Variants in EFR3A observed in about 807,000 individuals in gnomAD.
EFR3A encodes EFR3 homolog A.
In EFR3A, 76 loss-of-function variants were observed where a neutral mutation model predicts 104.4. That is an observed-to-expected ratio of 0.73 (90% CI 0.60 to 0.88). The LOEUF (loss-of-function observed/expected upper bound fraction) is 0.88. EFR3A is among the 40% of genes least tolerant of loss of function. EFR3A has a pLI of 0.00. For synonymous variants in EFR3A, 330 were observed against 330.0 expected (o/e 1.00, Z 0.00); for missense variants, 985 against 1,012.5 (o/e 0.97, Z 0.37).
chr8:131,930,241 T>G (rs1021823970), intron 1 of EFR3A, among the ~76,000 whole-genome samples: 9 of 152,116 alleles, frequency 5.9e-5, no homozygotes, highest in African/African-American at 2.2e-4. Flanking sequence ...GATATAGATT[T>G]GGTGCTTATG....
At chr8:131,918,717 C>T (rs879727109) in intron 1 of EFR3A, among the ~76,000 whole-genome samples, 6 of 152,140 alleles carry the variant, frequency 3.9e-5, no homozygotes, top group Non-Finnish European at 8.8e-5. Context: ...AGAATCAATG[C>T]TGTTGGTATA....
At chr8:132,005,382 C>G (rs1043722025) in intron 22 of EFR3A, among the ~76,000 whole-genome samples, 1 of 151,866 alleles carries the variant, frequency 6.6e-6, no homozygotes, top group African/African-American at 2.4e-5. Flanking sequence ...ATACTTCGCT[C>G]CCACTGTTCT....
intron 1 of EFR3A, among the ~76,000 whole-genome samples, chr8:131,937,000 A>G (rs1466466134): frequency 6.6e-6 from 1 of 152,062 alleles, no homozygotes; most frequent in East Asian, 1.9e-4. Flanking sequence ...TTGTGGCTGA[A>G]AGTCCCCATC....
intron 6 of EFR3A, among the ~76,000 whole-genome samples, chr8:131,955,141 G>T (rs1438857143): frequency 6.6e-6 from 1 of 152,006 alleles, no homozygotes; most frequent in Non-Finnish European, 1.5e-5. Flanking sequence ...TGAGGTCCAG[G>T]ATTAGCATAA....
intron 6 of EFR3A, among the ~76,000 whole-genome samples, chr8:131,955,470 TATAA>T (rs1361097848): frequency 1.3e-5 from 2 of 152,150 alleles, no homozygotes; most frequent in Admixed American, 6.6e-5. Flanking sequence ...AAGATTTTGC[TATAA>T]ATATAGAAAA....
chr8:131,913,464 GT>G (rs200287701), intron 1 of EFR3A, among the ~76,000 whole-genome samples: 113 of 147,152 alleles, frequency 7.7e-4, no homozygotes, highest in African/African-American at 2.5e-3. Flanking sequence ...CACTAGTCAG[GT>G]TTTTTTTTTT....
intron 1 of EFR3A, among the ~76,000 whole-genome samples, chr8:131,918,523 T>C (rs140234915): frequency 1.3e-5 from 2 of 152,334 alleles, no homozygotes; most frequent in African/African-American, 4.8e-5. Flanking sequence ...TCCTGTGTTA[T>C]ATGTTGCTAT....
chr8:131,947,829 G>C (rs921795148), intron 4 of EFR3A, among the ~76,000 whole-genome samples: 6 of 152,008 alleles, frequency 3.9e-5, no homozygotes, highest in Admixed American at 6.6e-5. Context: ...GGTCTTGGCA[G>C]TCTTTTAAAA....
intron 1 of EFR3A, among the ~76,000 whole-genome samples, chr8:131,937,096 T>A (rs1451322818): frequency 6.6e-6 from 1 of 152,122 alleles, no homozygotes; most frequent in Non-Finnish European, 1.5e-5. Context: ...CTTATTAGTA[T>A]ACACAATGAC....
chr8:131,999,070 C>T (rs1821650520), intron 19 of EFR3A, among the ~76,000 whole-genome samples: 1 of 151,946 alleles, frequency 6.6e-6, no homozygotes, highest in Admixed American at 6.6e-5. Flanking sequence ...TGAGTAAAAC[C>T]TGAAATCACC....
intron 13 of EFR3A, 136 bp from the exon 14 acceptor site, chr8:131,979,210 T>A: frequency 1.1e-6 from 1 of 933,986 alleles, no homozygotes; most frequent in Non-Finnish European, 1.6e-6. Context: ...ACGTATGTAC[T>A]CTTCAGAAGC....
chr8:131,974,254 CTA>C (rs754393898), intron 10 of EFR3A, among the ~76,000 whole-genome samples: 3 of 152,196 alleles, frequency 2.0e-5, no homozygotes, highest in East Asian at 3.9e-4. Flanking sequence ...TTAGAGGAAA[CTA>C]TTCCACGCAT....
rs777658917 is a variant in EFR3A, at chr8:131,970,647, A to G, written c.1159+4A>G. On this transcript the variant is annotated splice_donor_region_variant and intron_variant, in intron 10 of 22. Transcript: ENST00000254624. Reference sequence around the variant, plus strand: ...AATGCTATCATCCAAACAATAGGTGAGTACATTTCACTTTTCAAAACTATC... The same window carrying G: ...AATGCTATCATCCAAACAATAGGTGGGTACATTTCACTTTTCAAAACTATC... The G allele has an allele frequency of 6.2e-6, 10 of 1,609,136 alleles. No individual in the cohort carries two copies. The highest frequency in any genetic ancestry group is 8.5e-6 in the Non-Finnish European group (10 of 1,177,544).
intron 1 of EFR3A, among the ~76,000 whole-genome samples, chr8:131,915,719 A>T (rs1175338655): frequency 1.3e-5 from 2 of 152,218 alleles, no homozygotes; most frequent in Non-Finnish European, 2.9e-5. Context: ...TGGTCAAAGG[A>T]GAAATGCTGG....
chr8:131,962,971 T>G (rs1217193599), intron 8 of EFR3A, among the ~76,000 whole-genome samples: 2 of 151,410 alleles, frequency 1.3e-5, no homozygotes, highest in Non-Finnish European at 2.9e-5. Flanking sequence ...GAATGACTAC[T>G]GGGTATATAA....
intron 14 of EFR3A, among the ~76,000 whole-genome samples, chr8:131,983,721 AAG>A (rs891741429): frequency 6.6e-6 from 1 of 152,084 alleles, no homozygotes; most frequent in Non-Finnish European, 1.5e-5. Flanking sequence ...TTCCCCAGTC[AAG>A]AGAGCCTCAG....
At chr8:131,950,851 T>C (rs1665445871) in intron 5 of EFR3A, among the ~76,000 whole-genome samples, 1 of 152,164 alleles carries the variant, frequency 6.6e-6, no homozygotes, top group Admixed American at 6.6e-5. Context: ...GGATATATCC[T>C]ACTAAAAATC....
intron 7 of EFR3A, 135 bp from the exon 8 acceptor site, chr8:131,959,450 C>G (rs1037225474): frequency 4.5e-6 from 3 of 664,438 alleles, no homozygotes; most frequent in Non-Finnish European, 7.6e-6. Flanking sequence ...AAGTTCATTA[C>G]TTAAGAATTA....
At chr8:131,966,244 A>C (rs1192027430) in intron 8 of EFR3A, among the ~76,000 whole-genome samples, 6 of 152,140 alleles carry the variant, frequency 3.9e-5, no homozygotes, top group Non-Finnish European at 8.8e-5. Context: ...AACAAAAAAA[A>C]GAGTTTCTGC....
Sources: gnomAD v4.1 joint callset for allele counts (sites outside exome capture counted in the v4.1 genomes callset) on GRCh38, gnomAD v4.1.1 for gene constraint, MANE v1.5 for transcripts, NCBI Gene and HGNC (gene_info 2026-07-23, HGNC 2026-07-21) for gene names.